VAV2: variants seen among roughly 807,000 people sequenced by gnomAD.
VAV2 encodes the protein vav guanine nucleotide exchange factor 2.
VAV2 carries 67 observed loss-of-function variants against 132.5 expected under a neutral mutation model. That is an observed-to-expected ratio of 0.51 (90% CI 0.42 to 0.62). VAV2 has a LOEUF of 0.62. VAV2 is among the 20% of genes least tolerant of loss of function. VAV2 has a pLI of 0.00. For synonymous variants in VAV2, 492 were observed against 443.5 expected (o/e 1.11, Z -1.37); for missense variants, 938 against 1,153.6 (o/e 0.81, Z 2.71).
At position 133,821,957 on chromosome 9, in the gene VAV2, G is replaced by A. The variant is rs149673784; in HGVS notation, c.450-9741C>T. The stretch of plus-strand genomic sequence containing the variant: ...GCTGCGCTGACAGATGCTAAATCCC[G>A]ACCATTATTTTTGTCCTCACAATAG... On this transcript the variant is annotated intron_variant, in intron 4 of 29. Coordinates refer to ENST00000371850, the MANE Select transcript of VAV2 (RefSeq NM_001134398.2). Among the ~76,000 whole-genome samples, 520 of 152,260 alleles carry A rather than the reference G, an allele frequency of 3.4e-3. 2 individuals carry two copies. The highest frequency in any genetic ancestry group is 0.012 in the African/African-American group (492 of 41,524).
rs115692014 is a variant in VAV2, at chr9:133,887,376, G to A, written c.322-25944C>T. Reference sequence around the variant, plus strand: ...CCAGGGAGCGCATGCCCCAGCAGAAGCTGGATTTTCAGAGGTGTGGACATC... The same window carrying A: ...CCAGGGAGCGCATGCCCCAGCAGAAACTGGATTTTCAGAGGTGTGGACATC... On this transcript the variant is annotated intron_variant, in intron 2 of 29. Transcript: ENST00000371850. Among the ~76,000 whole-genome samples the A allele has an allele frequency of 5.1e-3, 781 of 152,260 alleles. 9 individuals carry two copies. Among genetic ancestry groups the A allele is most frequent in the African/African-American group, 0.018 (746 of 41,550 alleles).
intron 2 of VAV2, among the ~76,000 whole-genome samples, chr9:133,929,758 C>A (rs1439826946): frequency 2.6e-5 from 4 of 152,096 alleles, no homozygotes; most frequent in African/African-American, 4.8e-5. Flanking sequence ...GTGATGCGGC[C>A]TGTCCCCACC....
At chr9:133,944,438 T>C (rs1357803974) in intron 1 of VAV2, among the ~76,000 whole-genome samples, 4 of 152,178 alleles carry the variant, frequency 2.6e-5, no homozygotes, top group African/African-American at 9.7e-5. Flanking sequence ...GAGCTGCAGT[T>C]TGAACACAGG....
At chr9:133,869,843 CGCA>C (rs1837958703) in intron 2 of VAV2, among the ~76,000 whole-genome samples, 1 of 152,216 alleles carries the variant, frequency 6.6e-6, no homozygotes, top group African/African-American at 2.4e-5. Context: ...CACACGCACA[CGCA>C]GCCCAACGGA....
intron 24 of VAV2, 59 bp downstream of exon 24, chr9:133,775,969 A>G: frequency 6.5e-7 from 1 of 1,549,320 alleles, no homozygotes; most frequent in Non-Finnish European, 8.8e-7. Flanking sequence ...CCCGGCGGGC[A>G]TGCCCCCATA....
chr9:133,776,183 G>A, intron 23 of VAV2, 103 bp from the exon 24 acceptor site: 2 of 1,495,428 alleles, frequency 1.3e-6, no homozygotes, highest in South Asian at 1.3e-5. Context: ...CACATTGGCT[G>A]CCCTGGAGGG....
intron 4 of VAV2, among the ~76,000 whole-genome samples, chr9:133,828,364 A>G (rs75890883): frequency 0.051 from 142 of 2,790 alleles, 12 homozygotes; most frequent in South Asian, 0.16. Context: ...CACGGGCATC[A>G]CCACCTACCG....
intron 2 of VAV2, among the ~76,000 whole-genome samples, chr9:133,936,538 C>T (rs1399293940): frequency 6.6e-6 from 1 of 152,126 alleles, no homozygotes; most frequent in Non-Finnish European, 1.5e-5. Flanking sequence ...CCACCATGCC[C>T]GACCCAGCCA....
intron 1 of VAV2, among the ~76,000 whole-genome samples, chr9:133,968,532 A>T (rs569205557): frequency 6.6e-6 from 1 of 152,288 alleles, no homozygotes; most frequent in South Asian, 2.1e-4. Context: ...GCTCGGGGCC[A>T]GTCCCATGGT....
chr9:133,772,150 T>C (rs1190827870), intron 25 of VAV2, 104 bp from the exon 26 acceptor site: 4 of 755,234 alleles, frequency 5.3e-6, no homozygotes, highest in Non-Finnish European at 6.1e-6. Flanking sequence ...AAGCCCCTCG[T>C]CCCTGGCCCC....
intron 1 of VAV2, among the ~76,000 whole-genome samples, chr9:133,975,969 G>A (rs1162782077): frequency 2.6e-5 from 4 of 151,820 alleles, no homozygotes; most frequent in African/African-American, 9.7e-5. Context: ...AGGCTGAGGC[G>A]GGTGGATCAC....
Position 133,769,402 on chromosome 9 carries a change from G to A in VAV2, c.2434+15C>T, listed in dbSNP as rs1405601844. On this transcript the variant is annotated intron_variant, in intron 28 of 29. Transcript: ENST00000371850. This position sits in a 1 kb window ranked among gnomAD's most constrained non-coding sequence, Gnocchi z 8.1. Reference sequence around the variant, plus strand: ...CACAGGCCCGGTCCCCCCACGCCCTGGGGAGCAGCGGTACCTGACCAGAAG... The same window carrying A: ...CACAGGCCCGGTCCCCCCACGCCCTAGGGAGCAGCGGTACCTGACCAGAAG... The A allele has an allele frequency of 2.5e-6, 4 of 1,606,034 alleles. No individual in the cohort carries two copies. The highest frequency in any genetic ancestry group is 3.4e-6 in the Non-Finnish European group (4 of 1,176,634).
At chr9:133,962,102 A>AACCCC (rs1841984625) in intron 1 of VAV2, among the ~76,000 whole-genome samples, 1 of 152,102 alleles carries the variant, frequency 6.6e-6, no homozygotes, top group African/African-American at 2.4e-5. Flanking sequence ...GAGCAGACAG[A>AACCCC]ACCCCACAGG....
chr9:133,964,682 A>G (rs1194529985), intron 1 of VAV2, among the ~76,000 whole-genome samples: 1 of 152,202 alleles, frequency 6.6e-6, no homozygotes, highest in Non-Finnish European at 1.5e-5. Context: ...GAAATCAATA[A>G]ACATGATATA....
At position 133,863,800 on chromosome 9, in the gene VAV2, C is replaced by T. The variant is rs1192047952; in HGVS notation, c.322-2368G>A. Among the ~76,000 whole-genome samples, 1 of 152,200 alleles carries T rather than the reference C, an allele frequency of 6.6e-6. No homozygotes were observed. Among genetic ancestry groups the T allele is most frequent in the Non-Finnish European group, 1.5e-5 (1 of 68,030 alleles). On this transcript the variant is annotated intron_variant, in intron 2 of 29. Transcript: ENST00000371850. This position sits in a 1 kb window ranked among gnomAD's most constrained non-coding sequence, Gnocchi z 5.0. ...ACCACGGGGAACCACACTCCAGTGA[C>T]CCAAAACCCAGGGCAGGGGCTGCTG...
rs1233427874 is a variant in VAV2 at position 133,833,008 on chromosome 9, G to A, written c.449+1264C>T. ...TCTACAACCCTCAGACCCACGTGGG[G>A]CCGACCGGATGTCCAGAGGAGCTCT... On this transcript the variant is annotated intron_variant, in intron 4 of 29. Coordinates refer to ENST00000371850, the MANE Select transcript of VAV2 (RefSeq NM_001134398.2). The surrounding 1 kb of genome is among the most constrained non-coding windows in gnomAD (Gnocchi z 5.6). Among the ~76,000 whole-genome samples the A allele has an allele frequency of 6.6e-6, 1 of 152,124 alleles. No homozygotes were observed. Among genetic ancestry groups the A allele is most frequent in the Non-Finnish European group, 1.5e-5 (1 of 68,028 alleles).
In VAV2 at chr9:133,840,800, T is replaced by C; in HGVS notation, c.381-6460A>G. On this transcript the variant is annotated intron_variant, in intron 3 of 29. Transcript: ENST00000371850. The surrounding 1 kb of genome is among the most constrained non-coding windows in gnomAD (Gnocchi z 4.5). Reference sequence around the variant, plus strand: ...CTCCTATCCTTGCCCTCAGGACTTCTGTGAAAATCTGCTAGAAACGATGGC... The same window carrying C: ...CTCCTATCCTTGCCCTCAGGACTTCCGTGAAAATCTGCTAGAAACGATGGC... Among the ~76,000 whole-genome samples the C allele has an allele frequency of 6.6e-6, 1 of 152,202 alleles. No homozygotes were observed. Among genetic ancestry groups the C allele is most frequent in the Non-Finnish European group, 1.5e-5 (1 of 68,040 alleles).
At chr9:133,971,024 A>G (rs62577870) in intron 1 of VAV2, among the ~76,000 whole-genome samples, 33,966 of 152,154 alleles carry the variant, frequency 0.22, 4,036 homozygotes, top group South Asian at 0.31. Context: ...AAATATATAT[A>G]TATTACAGGT....
chr9:133,808,717 G>T (rs980167355), intron 7 of VAV2, among the ~76,000 whole-genome samples: 1 of 152,202 alleles, frequency 6.6e-6, no homozygotes, highest in Admixed American at 6.5e-5. Context: ...AGGTGGGGTG[G>T]GGGGAATACG....
Sources: gnomAD v4.1 joint callset for allele counts (sites outside exome capture counted in the v4.1 genomes callset) on GRCh38, gnomAD v4.1.1 for gene constraint, Gnocchi (gnomAD v3.1) non-coding constraint, MANE v1.5 for transcripts, NCBI Gene and HGNC (gene_info 2026-07-23, HGNC 2026-07-21) for gene names.